PASK: variants seen among roughly 807,000 people sequenced by gnomAD.
PASK encodes the protein PAS domain containing serine/threonine kinase.
A neutral mutation model predicts 121.0 loss-of-function variants in PASK; 110 were observed. That is an observed-to-expected ratio of 0.91 (90% CI 0.78 to 1.06). PASK has a LOEUF of 1.06. Ranked by LOEUF, PASK falls within the 50% of genes least tolerant of loss-of-function variation. The probability of loss-of-function intolerance (pLI) is 0.00; values close to 1 mark genes in which losing one functional copy is unlikely to be tolerated. For synonymous variants in PASK, 686 were observed against 717.8 expected (o/e 0.96, Z 0.71); for missense variants, 1,643 against 1,702.3 (o/e 0.97, Z 0.61).
In PASK at chr2:241,126,653, T is replaced by C. The variant is rs756976810; in HGVS notation, c.2262A>G (p.Gln754=). ...KELFFSDQTD[Q]TSSNCSCATS... is the part of the protein sequence containing the mutation. ...TAGCACAGGAACAATTTGATGACGT[T>C]TGGTCTGTCTGGTCACTGAAAAAGA... The change falls in exon 10 of 18, where the codon CAA becomes CAG. Residue 754 remains glutamine (Q), a synonymous_variant. Transcript: ENST00000234040. 3.7e-6 allele frequency: 6 copies of C among 1,614,220 alleles called. No homozygotes were observed. The Admixed American group carries it at 5.0e-5, about 13-fold the overall frequency.
chr2:241,107,308 T>G (rs2064926901), intron 17 of PASK, 45 bp downstream of exon 17: 1 of 1,581,666 alleles, frequency 6.3e-7, no homozygotes, highest in Non-Finnish European at 8.7e-7. Context: ...ACCTCGTTAT[T>G]CCAAGTGAAG....
In PASK at chr2:241,112,150, A is replaced by G. The variant is rs1158526194; in HGVS notation, c.3533+90T>C. On this transcript the variant is annotated intron_variant, in intron 15 of 17. Coordinates refer to ENST00000234040, the MANE Select transcript of PASK (RefSeq NM_015148.4). The surrounding 1 kb of genome is among the most constrained non-coding windows in gnomAD (Gnocchi z 5.2). ...TCAACACTCATCACAAAGAGGCACA[A>G]AGGAAGCCATTTTCCCACCCAAAAT... The G allele has an allele frequency of 1.9e-5, 19 of 991,914 alleles. No homozygotes were observed. The Admixed American group carries it at 3.1e-4, about 16-fold the overall frequency. The allele number at this position is 991,914 out of a possible 1,614,324, so 61.4% of individuals were successfully genotyped here. A position where few individuals can be genotyped will look rare whatever the true frequency, so the allele number is the denominator to read the frequency against.
intron 6 of PASK, among the ~76,000 whole-genome samples, chr2:241,137,561 G>T (rs2066497830): frequency 2.6e-5 from 4 of 152,204 alleles, no homozygotes; most frequent in Admixed American, 2.6e-4. Context: ...AGGGAGGACT[G>T]TGGGGCTCAG....
At chr2:241,124,614 C>T (rs538331056) in intron 10 of PASK, among the ~76,000 whole-genome samples, 4 of 152,326 alleles carry the variant, frequency 2.6e-5, no homozygotes, top group African/African-American at 9.6e-5. Flanking sequence ...AATTCCATAC[C>T]CACTTACATA....
Position 241,127,283 on chromosome 2 carries a change from A to G in PASK, c.1632T>C (p.Ala544=). 6.2e-7 allele frequency: 1 copy of G among 1,614,222 alleles called. No homozygotes were observed. The highest frequency in any genetic ancestry group is 8.5e-7 in the Non-Finnish European group (1 of 1,180,044). ...RSEPVDVKPF[A]SCEDSEAPVP... is the part of the protein sequence containing the mutation. Reference sequence around the variant, plus strand: ...CTGGAGCTTCAGAATCTTCGCAGGAAGCAAATGGCTTCACATCCACTGGTT... The same window carrying G: ...CTGGAGCTTCAGAATCTTCGCAGGAGGCAAATGGCTTCACATCCACTGGTT... The change falls in exon 10 of 18, where the codon GCT becomes GCC. Residue 544 remains alanine (A), a synonymous_variant. Transcript: ENST00000234040.
chr2:241,118,986 G>T (rs986944724), intron 12 of PASK: 22 of 988,242 alleles, frequency 2.2e-5, no homozygotes, highest in Non-Finnish European at 2.7e-5. Flanking sequence ...GCCTCCAAGG[G>T]CTGTCAGGCT....
At chr2:241,118,840 C>T (rs1049555570) in intron 12 of PASK, 3 of 746,278 alleles carry the variant, frequency 4.0e-6, no homozygotes, top group Middle Eastern at 5.7e-4. Flanking sequence ...GTACACACCC[C>T]GCACCCGGTG....
intron 10 of PASK, among the ~76,000 whole-genome samples, chr2:241,125,137 A>G (rs542858222): frequency 5.9e-5 from 9 of 151,800 alleles, no homozygotes; most frequent in African/African-American, 1.9e-4. Context: ...TGTCTCTACT[A>G]AAAAAACAAA....
rs867173262 is a variant in PASK at position 241,125,615 on chromosome 2, A to G, written c.2719+581T>C. On this transcript the variant is annotated intron_variant, in intron 10 of 17. Coordinates refer to ENST00000234040, the MANE Select transcript of PASK (RefSeq NM_015148.4). ...ACTCTGTCTCAAAAAAAAAGAAAAA[A>G]AAAAAAAAAAGAAATGAAAATAAAA... Among the ~76,000 whole-genome samples, 261 of 151,370 alleles carry G rather than the reference A, an allele frequency of 1.7e-3. 1 individual carries two copies. Among genetic ancestry groups the G allele is most frequent in the African/African-American group, 6.0e-3 (247 of 41,104 alleles).
chr2:241,137,908 A>G (rs779497169), intron 6 of PASK, 45 bp downstream of exon 6: 2 of 1,609,170 alleles, frequency 1.2e-6, no homozygotes, highest in African/African-American at 2.7e-5. Flanking sequence ...ATTCAGAGCT[A>G]AGAACTCCAC....
intron 4 of PASK, 128 bp downstream of exon 4, chr2:241,139,757 T>C (rs1451510183): frequency 1.1e-6 from 1 of 880,140 alleles, no homozygotes. Context: ...CATTTTCAGC[T>C]GAAGAAGCTG....
At chr2:241,136,370 G>A (rs1430080313) in intron 7 of PASK, among the ~76,000 whole-genome samples, 1 of 152,230 alleles carries the variant, frequency 6.6e-6, no homozygotes, top group African/African-American at 2.4e-5. Context: ...CTCACCTCAC[G>A]CGGCTCACTG....
At chr2:241,149,723 G>T, upstream of PASK, 3 of 1,549,404 alleles carry the variant, frequency 1.9e-6, no homozygotes, top group South Asian at 3.5e-5. Context: ...GTAGCGCAGA[G>T]CTCGCCTCTT....
intron 7 of PASK, among the ~76,000 whole-genome samples, chr2:241,136,393 G>C (rs2066436489): frequency 6.6e-6 from 1 of 152,228 alleles, no homozygotes; most frequent in South Asian, 2.1e-4. Context: ...GGCCGGAACA[G>C]TGACATGCAC....
In PASK at chr2:241,117,877, C is replaced by T. The variant is rs115657150; in HGVS notation, c.3073-2464G>A. On this transcript the variant is annotated intron_variant, in intron 12 of 17. Transcript: ENST00000234040. ...GAATCCTTCCTGGAAAAACTGGCAACGAATATATTCTAGCAAATGAAAAAT... is the reference window on the plus strand; with the variant it reads ...GAATCCTTCCTGGAAAAACTGGCAATGAATATATTCTAGCAAATGAAAAAT... Among the ~76,000 whole-genome samples, 854 of 151,964 alleles carry T rather than the reference C, an allele frequency of 5.6e-3. 7 individuals carry two copies. Among genetic ancestry groups the T allele is most frequent in the African/African-American group, 0.02 (831 of 41,424 alleles).
In PASK at chr2:241,107,419, A is replaced by T. The variant is rs749747607; in HGVS notation, c.3748T>A (p.Trp1250Arg). 20 of 1,613,774 alleles carry T rather than the reference A, an allele frequency of 1.2e-5. No individual in the cohort carries two copies. The highest frequency in any genetic ancestry group is 1.6e-5 in the Non-Finnish European group (19 of 1,179,804). ...TTLEKLVTDP[W>R]VTQPVNLADY... ...GCAAGATTCACAGGCTGTGTTACCCACGGGTCTGTCACCAGCTTCTCCAAG... is the reference window on the plus strand; with the variant it reads ...GCAAGATTCACAGGCTGTGTTACCCTCGGGTCTGTCACCAGCTTCTCCAAG... The change falls in exon 17 of 18, where the codon TGG becomes AGG. Residue 1250 changes from tryptophan to arginine, a missense_variant. Trp to Arg is a moderately radical substitution (Grantham distance 101). Around this residue, in one of 3 missense-constraint regions of PASK, gnomAD observed 453 missense variants for 511.2 expected, o/e 0.89. Transcript: ENST00000234040.
intron 7 of PASK, 64 bp downstream of exon 7, chr2:241,136,940 C>T (rs1336295046): frequency 4.6e-5 from 69 of 1,503,158 alleles, no homozygotes; most frequent in Middle Eastern, 2.0e-4. Flanking sequence ...CACGCAAGCC[C>T]GCACTGCAGA....
chr2:241,132,241 T>C (rs111276054), intron 9 of PASK, among the ~76,000 whole-genome samples: 1,664 of 151,948 alleles, frequency 0.011, 10 homozygotes, highest in Non-Finnish European at 0.017. Flanking sequence ...AGAGAACAGC[T>C]TCATATGACT....
intron 9 of PASK, among the ~76,000 whole-genome samples, chr2:241,132,052 C>CAAA (rs36063946): frequency 6.0e-5 from 5 of 83,718 alleles, no homozygotes; most frequent in Admixed American, 1.3e-4. Flanking sequence ...GACTCCATCT[C>CAAA]AAAAAAAAAA....
Sources: allele counts gnomAD v4.1 joint callset (sites outside exome capture counted in the v4.1 genomes callset), GRCh38; gene constraint gnomAD v4.1.1; regional missense constraint gnomAD v4.1.1; non-coding constraint Gnocchi (gnomAD v3.1); transcripts MANE v1.5; gene names NCBI Gene and HGNC (gene_info 2026-07-23, HGNC 2026-07-21).